Variants in TENT2 observed in about 807,000 individuals in gnomAD.
TENT2 encodes poly(A) RNA polymerase GLD2.
A neutral mutation model predicts 72.2 loss-of-function variants in TENT2; 44 were observed. That is an observed-to-expected ratio of 0.61 (90% CI 0.48 to 0.78). The LOEUF is 0.78. Ranked by LOEUF, TENT2 falls within the 30% of genes least tolerant of loss-of-function variation. TENT2 has a pLI of 0.00. For synonymous variants in TENT2, 212 were observed against 192.5 expected, an observed-to-expected ratio of 1.10 and a Z score of -0.84; for missense variants, 541 against 569.6, an observed-to-expected ratio of 0.95 and a Z score of 0.51.
At chr5:79,684,302 G>T (rs567998058) in intron 14 of TENT2, among the ~76,000 whole-genome samples, 3 of 151,876 alleles carry the variant, frequency 2.0e-5, no homozygotes, top group African/African-American at 7.3e-5. Flanking sequence ...ATATTTTTTT[G>T]AGACAGGGTC....
At chr5:79,659,553 A>AAAATATATAT (rs1554086793) in intron 11 of TENT2, among the ~76,000 whole-genome samples, 1 of 26,856 alleles carries the variant, frequency 3.7e-5, no homozygotes, top group Non-Finnish European at 5.6e-5. Flanking sequence ...AAAAAAAAAA[A>AAAATATATAT]ATGTATATAT....
At chr5:79,654,848 AT>A (rs1331704683) in intron 10 of TENT2, among the ~76,000 whole-genome samples, 3 of 152,318 alleles carry the variant, frequency 2.0e-5, no homozygotes, top group Admixed American at 1.3e-4. Context: ...AAGACCTGCT[AT>A]TTAAAATTTA....
At chr5:79,642,960 TAAA>T in intron 7 of TENT2, 50 bp downstream of exon 7, 1 of 1,593,554 alleles carries the variant, frequency 6.3e-7, no homozygotes, top group Non-Finnish European at 8.5e-7. Context: ...TAACTTTACT[TAAA>T]ATGCCTCTTA....
intron 11 of TENT2, among the ~76,000 whole-genome samples, chr5:79,663,560 G>A (rs1188620647): frequency 6.6e-6 from 1 of 152,110 alleles, no homozygotes; most frequent in African/African-American, 2.4e-5. Flanking sequence ...GGAGAGAGAT[G>A]GGGGAATTGC....
In TENT2 at chr5:79,648,923, A is replaced by G. The variant is rs142504070; in HGVS notation, c.899-139A>G. The G allele has an allele frequency of 4.8e-3, 5,047 of 1,041,160 alleles. 15 individuals are homozygous for G. The highest frequency in any genetic ancestry group is 6.0e-3 in the Non-Finnish European group (4,327 of 726,968). 64.5% of individuals were successfully genotyped at this position (1,041,160 alleles called of 1,614,324 possible). On this transcript the variant is annotated intron_variant, in intron 9 of 14. Coordinates refer to ENST00000453514, the MANE Select transcript of TENT2 (RefSeq NM_001114394.3). ...GTAACTAAGGTAAGTTTTAGACATA[A>G]GACACAAAGTGAACAGACACAGTGT...
intron 4 of TENT2, among the ~76,000 whole-genome samples, chr5:79,634,070 G>A (rs987394638): frequency 1.3e-5 from 2 of 149,912 alleles, no homozygotes; most frequent in Non-Finnish European, 3.0e-5. Flanking sequence ...TCGGGAGAAT[G>A]GCATGAACCT....
rs1826516146 is a variant in TENT2, at chr5:79,687,833, T to A, written c.*2560T>A. Among the ~76,000 whole-genome samples, 1 of 152,228 alleles carries A rather than the reference T, an allele frequency of 6.6e-6. No homozygotes were observed. The highest frequency in any genetic ancestry group is 6.5e-5 in the Admixed American group (1 of 15,286). On this transcript the variant is annotated 3_prime_UTR_variant, in exon 15 of 15. Transcript: ENST00000453514. ...AAATAAATCTCATAGACATTAATGTTTGTAAGAAATTTTTAATTAAATGAT... is the reference window on the plus strand; with the variant it reads ...AAATAAATCTCATAGACATTAATGTATGTAAGAAATTTTTAATTAAATGAT...
At chr5:79,634,243 A>G (rs1278597649) in intron 4 of TENT2, among the ~76,000 whole-genome samples, 1 of 151,532 alleles carries the variant, frequency 6.6e-6, no homozygotes, top group African/African-American at 2.4e-5. Context: ...TGGCAATTTT[A>G]TTGGTATTTA....
chr5:79,617,717 A>G (rs1761437514), intron 1 of TENT2: 1 of 152,196 alleles, frequency 6.6e-6, no homozygotes, highest in African/African-American at 2.4e-5. Flanking sequence ...TTGCATTGAT[A>G]GTACAGCTAG....
chr5:79,654,226 A>G (rs1561535487), intron 10 of TENT2, among the ~76,000 whole-genome samples: 2 of 151,970 alleles, frequency 1.3e-5, no homozygotes, highest in Admixed American at 1.3e-4. Flanking sequence ...GAGGTCAGGA[A>G]TTCGAGACTA....
intron 10 of TENT2, among the ~76,000 whole-genome samples, chr5:79,650,986 A>G (rs138396208): frequency 1.9e-4 from 29 of 152,256 alleles, no homozygotes; most frequent in African/African-American, 7.0e-4. Context: ...TTAAAATAAT[A>G]CTTAAAACGT....
chr5:79,631,275 A>G (rs1775295928), intron 4 of TENT2, among the ~76,000 whole-genome samples: 1 of 152,182 alleles, frequency 6.6e-6, no homozygotes, highest in African/African-American at 2.4e-5. Context: ...TGAGGATTAC[A>G]CTCAAGTTTC....
chr5:79,617,146 A>T (rs1760885159), intron 1 of TENT2, among the ~76,000 whole-genome samples: 1 of 151,618 alleles, frequency 6.6e-6, no homozygotes, highest in Non-Finnish European at 1.5e-5. Flanking sequence ...AGAAAAAAGA[A>T]TAAAGCTTCT....
At chr5:79,648,310 T>C in intron 8 of TENT2, among the ~76,000 whole-genome samples, 1 of 151,670 alleles carries the variant, frequency 6.6e-6, no homozygotes, top group East Asian at 1.9e-4. Context: ...TCCATCTCTT[T>C]AAAGAAAAAA....
At chr5:79,648,299 C>A (rs529849431) in intron 8 of TENT2, among the ~76,000 whole-genome samples, 1 of 151,834 alleles carries the variant, frequency 6.6e-6, no homozygotes, top group Non-Finnish European at 1.5e-5. Flanking sequence ...CAGAGCGAGA[C>A]TCCATCTCTT....
At chr5:79,648,567 T>C in intron 8 of TENT2, 50 bp from the exon 9 acceptor site, 1 of 1,319,142 alleles carries the variant, frequency 7.6e-7, no homozygotes, top group Non-Finnish European at 1.0e-6. Flanking sequence ...AAGGAAGTTT[T>C]TTTGTTCTTC....
In TENT2 at chr5:79,685,381, T is replaced by C; in HGVS notation, c.*108T>C. ...AGTTGCTTTTTTCATAGTTCTTGTTTTCATGTTTTATTTTTAAAAAGACAT... is the reference window on the plus strand; with the variant it reads ...AGTTGCTTTTTTCATAGTTCTTGTTCTCATGTTTTATTTTTAAAAAGACAT... On this transcript the variant is annotated 3_prime_UTR_variant, in exon 15 of 15. Transcript: ENST00000453514. 4.3e-6 allele frequency: 3 copies of C among 699,138 alleles called. No individual in the cohort carries two copies. Among genetic ancestry groups the C allele is most frequent in the Non-Finnish European group, 6.7e-6 (3 of 446,218 alleles). 43.3% of individuals were successfully genotyped at this position (699,138 alleles called of 1,614,324 possible).
intron 4 of TENT2, among the ~76,000 whole-genome samples, chr5:79,627,062 G>A (rs1337343968): frequency 2.0e-5 from 3 of 151,372 alleles, no homozygotes; most frequent in South Asian, 4.2e-4. Flanking sequence ...CCCGGGAGGC[G>A]GAGGTTACAG....
chr5:79,649,736 C>T (rs1561526193), intron 10 of TENT2, among the ~76,000 whole-genome samples: 1 of 152,040 alleles, frequency 6.6e-6, no homozygotes, highest in Non-Finnish European at 1.5e-5. Flanking sequence ...TGCATAGTGG[C>T]AAACAGTAAT....
Sources: gnomAD v4.1 joint callset for allele counts (sites outside exome capture counted in the v4.1 genomes callset) on GRCh38, gnomAD v4.1.1 for gene constraint, MANE v1.5 for transcripts, NCBI Gene and HGNC (gene_info 2026-07-23, HGNC 2026-07-21) for gene names.